Variants in DSCAM observed in about 807,000 individuals in gnomAD.
DSCAM encodes DS cell adhesion molecule.
Under a neutral mutation model 217.7 loss-of-function variants are expected in DSCAM, and 47 were observed. That is an observed-to-expected ratio of 0.22 (90% CI 0.17 to 0.28). The LOEUF (loss-of-function observed/expected upper bound fraction) is 0.28, where lower values mean the gene tolerates loss of function less well. DSCAM is among the 10% of genes least tolerant of loss of function. The probability of loss-of-function intolerance (pLI) is 1.00; values close to 1 mark genes in which losing one functional copy is unlikely to be tolerated. For synonymous variants in DSCAM, 1,056 were observed against 1,015.3 expected (o/e 1.04, Z -0.76); for missense variants, 2,080 against 2,618.3 (o/e 0.79, Z 4.49).
intron 16 of DSCAM, among the ~76,000 whole-genome samples, chr21:40,148,488 T>C (rs966714443): frequency 6.6e-6 from 1 of 152,154 alleles, no homozygotes. Context: ...ACACTTAAAA[T>C]AGGGAATGCT....
intron 20 of DSCAM, among the ~76,000 whole-genome samples, chr21:40,115,514 T>G (rs1163837421): frequency 6.6e-6 from 1 of 152,180 alleles, no homozygotes; most frequent in African/African-American, 2.4e-5. Flanking sequence ...TGTATACATA[T>G]GTAACAAACC....
intron 8 of DSCAM, among the ~76,000 whole-genome samples, chr21:40,321,098 T>C (rs1398909591): frequency 2.0e-5 from 3 of 152,202 alleles, no homozygotes; most frequent in Admixed American, 6.5e-5. Flanking sequence ...ACAATTCAGA[T>C]GGAAAGGAAT....
At chr21:40,351,857 C>A (rs1198221021) in intron 5 of DSCAM, among the ~76,000 whole-genome samples, 1 of 152,122 alleles carries the variant, frequency 6.6e-6, no homozygotes, top group Admixed American at 6.5e-5. Flanking sequence ...AACAACACAT[C>A]TTTGTGGATG....
chr21:40,295,927 G>A, intron 10 of DSCAM, 128 bp downstream of exon 10: 1 of 1,170,294 alleles, frequency 8.5e-7, no homozygotes, highest in Non-Finnish European at 1.2e-6. Flanking sequence ...GAGAATGATA[G>A]GCTTGGTGGA....
chr21:40,142,902 T>C lies in DSCAM; in HGVS notation c.3260-198A>G, dbSNP rs554009532. 2.8e-3 allele frequency among the ~76,000 whole-genome samples: 432 copies of C among 152,248 alleles called. 2 individuals carry two copies. The highest frequency in any genetic ancestry group is 4.9e-3 in the Non-Finnish European group (330 of 68,022). On this transcript the variant is annotated intron_variant, in intron 17 of 32. Transcript: ENST00000400454. ...TCAGTGCTCAGTAAAATATCATGAGTCAATGCATATATTCTAATGGATTCC... is the reference window on the plus strand; with the variant it reads ...TCAGTGCTCAGTAAAATATCATGAGCCAATGCATATATTCTAATGGATTCC...
At chr21:40,206,445 C>CT (rs1363229945) in intron 11 of DSCAM, among the ~76,000 whole-genome samples, 1 of 152,048 alleles carries the variant, frequency 6.6e-6, no homozygotes, top group East Asian at 1.9e-4. Flanking sequence ...ACTCCAGAGG[C>CT]TGCACATTCT....
At chr21:40,283,558 G>A (rs1569040733) in intron 10 of DSCAM, among the ~76,000 whole-genome samples, 2 of 152,178 alleles carry the variant, frequency 1.3e-5, no homozygotes. Flanking sequence ...GAAGGCAGCA[G>A]CAAATAAGAA....
intron 3 of DSCAM, among the ~76,000 whole-genome samples, chr21:40,551,047 G>A (rs9984692): frequency 0.57 from 85,938 of 152,036 alleles, 24,633 homozygotes; most frequent in South Asian, 0.62. Context: ...AACTTAAAAA[G>A]TGTAGTGTTA....
At chr21:40,623,669 G>A (rs1441881369) in intron 3 of DSCAM, among the ~76,000 whole-genome samples, 1 of 152,030 alleles carries the variant, frequency 6.6e-6, no homozygotes, top group South Asian at 2.1e-4. Context: ...CTGTGCAGAA[G>A]GGCTCACCTT....
chr21:40,055,745 C>G lies in DSCAM; in HGVS notation c.5015G>C (p.Arg1672Thr), dbSNP rs1440849883. ...CTTACCAATGGTCTCCATCGTGTCT[C>G]TCTCTTCAATCAAAAGCTGAGCCCT... ...IPRAQLLIEERDTMETIDDRS... is the reference protein window; with the variant it reads ...IPRAQLLIEETDTMETIDDRS... The change falls in exon 29 of 33, where the codon AGA becomes ACA. Residue 1672 changes from arginine to threonine, a missense_variant. Arg to Thr is a moderately conservative substitution (Grantham distance 71). Transcript: ENST00000400454. 2 of 1,613,232 alleles carry G rather than the reference C, an allele frequency of 1.2e-6. No individual in the cohort carries two copies. The highest frequency in any genetic ancestry group is 1.7e-6 in the Non-Finnish European group (2 of 1,179,324).
chr21:40,547,164 T>C (rs757522616), intron 3 of DSCAM, among the ~76,000 whole-genome samples: 1 of 152,192 alleles, frequency 6.6e-6, no homozygotes, highest in African/African-American at 2.4e-5. Flanking sequence ...ATGACCCCAC[T>C]GTCCCCCGGT....
intron 1 of DSCAM, among the ~76,000 whole-genome samples, chr21:40,725,696 T>A (rs17000255): frequency 0.058 from 8,778 of 152,224 alleles, 248 homozygotes; most frequent in Middle Eastern, 0.078. Flanking sequence ...CATTTCTTTG[T>A]GAGAAAAGGT....
intron 3 of DSCAM, among the ~76,000 whole-genome samples, chr21:40,567,587 C>A (rs1390268788): frequency 6.6e-6 from 1 of 151,930 alleles, no homozygotes; most frequent in Non-Finnish European, 1.5e-5. Context: ...CTATAATTAT[C>A]CATACGCCCC....
At chr21:40,243,137 T>C (rs932204038) in intron 11 of DSCAM, among the ~76,000 whole-genome samples, 3 of 152,230 alleles carry the variant, frequency 2.0e-5, no homozygotes, top group African/African-American at 7.2e-5. Context: ...ACAGTGAATG[T>C]TCTCATGTAT....
At chr21:40,225,017 C>T (rs1270292639) in intron 11 of DSCAM, among the ~76,000 whole-genome samples, 1 of 152,118 alleles carries the variant, frequency 6.6e-6, no homozygotes, top group Non-Finnish European at 1.5e-5. Context: ...GTGCATGCTA[C>T]AAGGTGAAGC....
chr21:40,163,499 T>A (rs182408617), intron 16 of DSCAM, among the ~76,000 whole-genome samples: 1 of 152,316 alleles, frequency 6.6e-6, no homozygotes, highest in East Asian at 1.9e-4. Flanking sequence ...TGTCAAGGCA[T>A]GGGGTAGCAC....
intron 3 of DSCAM, among the ~76,000 whole-genome samples, chr21:40,558,103 T>C (rs1376450307): frequency 1.2e-4 from 18 of 152,216 alleles, no homozygotes; most frequent in Non-Finnish European, 2.5e-4. Context: ...TTAGTTTCCA[T>C]GTCTTTCATT....
At chr21:40,208,150 G>T (rs1211101159) in intron 11 of DSCAM, among the ~76,000 whole-genome samples, 1 of 152,106 alleles carries the variant, frequency 6.6e-6, no homozygotes, top group East Asian at 1.9e-4. Context: ...AAATATTCCT[G>T]GTTCAAATTT....
intron 3 of DSCAM, among the ~76,000 whole-genome samples, chr21:40,411,191 C>A: frequency 6.7e-6 from 1 of 150,038 alleles, no homozygotes; most frequent in Admixed American, 6.6e-5. Flanking sequence ...CACACACACA[C>A]ACACACACAC....
Sources: allele counts gnomAD v4.1 joint callset (sites outside exome capture counted in the v4.1 genomes callset), GRCh38; gene constraint gnomAD v4.1.1; transcripts MANE v1.5; gene names NCBI Gene and HGNC (gene_info 2026-07-23, HGNC 2026-07-21).